The following RBMS1 variants were observed in gnomAD, a reference collection of about 807,000 sequenced individuals.
The protein encoded by RBMS1 is RNA binding motif single stranded interacting protein 1.
Under a neutral mutation model 62.3 loss-of-function variants are expected in RBMS1, and 17 were observed. The ratio of observed to expected loss-of-function variants is 0.27; its 90% confidence interval spans 0.19 to 0.41. RBMS1 has a LOEUF of 0.41. Ranked by LOEUF, RBMS1 falls within the 10% of genes least tolerant of loss-of-function variation. The probability of loss-of-function intolerance (pLI) is 1.00; values close to 1 mark genes in which losing one functional copy is unlikely to be tolerated. For synonymous variants in RBMS1, 172 were observed against 170.0 expected (o/e 1.01, Z -0.09); for missense variants, 334 against 504.5 (o/e 0.66, Z 3.24).
intron 1 of RBMS1, among the ~76,000 whole-genome samples, chr2:160,401,668 G>T (rs1695428376): frequency 6.6e-6 from 1 of 152,156 alleles, no homozygotes; most frequent in African/African-American, 2.4e-5. Context: ...ACAAAGGAAA[G>T]AATTCAGGAA....
At chr2:160,394,827 G>T (rs947511500) in intron 1 of RBMS1, among the ~76,000 whole-genome samples, 4 of 152,158 alleles carry the variant, frequency 2.6e-5, no homozygotes, top group Non-Finnish European at 4.4e-5. Flanking sequence ...GAAAAACAAA[G>T]ATTTTAAGGT....
intron 1 of RBMS1, among the ~76,000 whole-genome samples, chr2:160,456,947 AAAC>A (rs1684261730): frequency 9.0e-6 from 1 of 110,626 alleles, no homozygotes; most frequent in Non-Finnish European, 2.1e-5. Flanking sequence ...CAAATCAAAC[AAAC>A]AACAACAAAA....
chr2:160,329,793 T>C (rs999196761), intron 2 of RBMS1, among the ~76,000 whole-genome samples: 8 of 151,940 alleles, frequency 5.3e-5, no homozygotes, highest in Non-Finnish European at 1.0e-4. Flanking sequence ...CTTATCTATA[T>C]GATTGTCAGT....
chr2:160,452,584 T>C (rs1423979213), intron 1 of RBMS1, among the ~76,000 whole-genome samples: 1 of 152,228 alleles, frequency 6.6e-6, no homozygotes, highest in South Asian at 2.1e-4. Context: ...AATCCATGGA[T>C]GCAGAACCTG....
intron 1 of RBMS1, among the ~76,000 whole-genome samples, chr2:160,413,513 G>C (rs1696106355): frequency 6.6e-6 from 1 of 152,066 alleles, no homozygotes; most frequent in South Asian, 2.1e-4. Context: ...AGGCTCCCTA[G>C]ACATGTATAA....
chr2:160,332,146 G>C (rs1356033125), intron 2 of RBMS1, among the ~76,000 whole-genome samples: 1 of 151,986 alleles, frequency 6.6e-6, no homozygotes, highest in Non-Finnish European at 1.5e-5. Flanking sequence ...TAAAAATCTA[G>C]GAAACTACTA....
At chr2:160,434,667 G>A (rs2105291379) in intron 1 of RBMS1, among the ~76,000 whole-genome samples, 1 of 152,294 alleles carries the variant, frequency 6.6e-6, no homozygotes, top group African/African-American at 2.4e-5. Flanking sequence ...TAATTTTTAA[G>A]TAATTTAAAT....
At chr2:160,376,762 C>A (rs377762739) in intron 1 of RBMS1, among the ~76,000 whole-genome samples, 1 of 151,932 alleles carries the variant, frequency 6.6e-6, no homozygotes, top group Non-Finnish European at 1.5e-5. Context: ...CAGCCTCCCA[C>A]GTAGCTGGGA....
intron 9 of RBMS1, chr2:160,283,302 A>C (rs912079066): frequency 5.9e-5 from 9 of 152,244 alleles, no homozygotes; most frequent in Admixed American, 3.9e-4. Context: ...TTTTCATAGC[A>C]GACACATGAA....
intron 1 of RBMS1, among the ~76,000 whole-genome samples, chr2:160,474,280 T>C (rs1181543654): frequency 1.3e-5 from 2 of 152,216 alleles, no homozygotes; most frequent in Admixed American, 1.3e-4. Flanking sequence ...AATAACAGCA[T>C]CTTCCTGTTT....
intron 1 of RBMS1, among the ~76,000 whole-genome samples, chr2:160,469,995 A>G (rs2105342968): frequency 6.6e-6 from 1 of 152,332 alleles, no homozygotes; most frequent in Non-Finnish European, 1.5e-5. Context: ...TTCATTGAGT[A>G]TGGTACTCCA....
chr2:160,301,245 T>G (rs1689192481), intron 5 of RBMS1, among the ~76,000 whole-genome samples: 1 of 152,218 alleles, frequency 6.6e-6, no homozygotes, highest in South Asian at 2.1e-4. Flanking sequence ...GGTTTAAAAT[T>G]AAATTAGTGA....
At chr2:160,392,655 C>A (rs1037736907) in intron 1 of RBMS1, among the ~76,000 whole-genome samples, 4 of 152,084 alleles carry the variant, frequency 2.6e-5, no homozygotes, top group African/African-American at 9.7e-5. Context: ...TTTGGGAAGT[C>A]AAGGTGGGAG....
In RBMS1 at chr2:160,303,352, T is replaced by C; in HGVS notation, c.538A>G (p.Ser180Gly). Residue 180 changes from serine to glycine, a missense_variant, in exon 5 of 14, where the codon AGT (serine) becomes GGT (glycine). By Grantham distance (56) the Ser-to-Gly change is moderately conservative. Transcript: ENST00000348849. ...TACCTAGCAAAGCCAACACCACGAC[T>C]TGTACCACTGGAATCACGTAGTATC... ...TRILRDSSGT[S>G]RGVGFARMES... The C allele has an allele frequency of 6.2e-7, 1 of 1,611,026 alleles. No homozygotes were observed. Among genetic ancestry groups the C allele is most frequent in the Non-Finnish European group, 8.5e-7 (1 of 1,178,856 alleles).
intron 2 of RBMS1, among the ~76,000 whole-genome samples, chr2:160,326,300 A>AT (rs1407903344): frequency 6.6e-6 from 1 of 152,190 alleles, no homozygotes; most frequent in East Asian, 1.9e-4. Flanking sequence ...CACACCTACC[A>AT]TTAAGGAGGA....
chr2:160,374,668 G>T (rs2105174384), intron 1 of RBMS1, among the ~76,000 whole-genome samples: 1 of 152,274 alleles, frequency 6.6e-6, no homozygotes, highest in East Asian at 1.9e-4. Flanking sequence ...GGTGGCTCAT[G>T]CCTGTAATCC....
chr2:160,358,433 T>C (rs72974955), intron 2 of RBMS1, among the ~76,000 whole-genome samples: 4,104 of 152,258 alleles, frequency 0.027, 108 homozygotes, highest in Middle Eastern at 0.061. Context: ...CCTCATTGTG[T>C]CATTTATTAT....
intron 1 of RBMS1, among the ~76,000 whole-genome samples, chr2:160,479,275 T>C (rs1192018705): frequency 2.0e-5 from 3 of 152,224 alleles, no homozygotes; most frequent in East Asian, 1.9e-4. Context: ...CCAGGGGCCA[T>C]GGAGGGTGAG....
intron 2 of RBMS1, among the ~76,000 whole-genome samples, chr2:160,323,592 T>C (rs982821328): frequency 7.3e-6 from 1 of 136,722 alleles, no homozygotes. Context: ...CCAAACAGCA[T>C]GATGTAGAAT....
Sources: allele counts gnomAD v4.1 joint callset (sites outside exome capture counted in the v4.1 genomes callset), GRCh38; gene constraint gnomAD v4.1.1; transcripts MANE v1.5; gene names NCBI Gene and HGNC (gene_info 2026-07-23, HGNC 2026-07-21).